Variants in GALNT18 observed in about 807,000 individuals in gnomAD.
GALNT18 encodes the protein polypeptide N-acetylgalactosaminyltransferase 18.
GALNT18 carries 44 observed loss-of-function variants against 69.5 expected under a neutral mutation model. The observed-to-expected ratio is 0.63, with a 90% CI of 0.50 to 0.81. GALNT18 has a LOEUF of 0.81. Ranked by LOEUF, GALNT18 falls within the 40% of genes least tolerant of loss-of-function variation. The pLI, the probability that GALNT18 is intolerant of heterozygous loss-of-function variation, is 0.00. For synonymous variants in GALNT18, 364 were observed against 318.2 expected (o/e 1.14, Z -1.53); for missense variants, 715 against 810.0 (o/e 0.88, Z 1.42).
In GALNT18 at chr11:11,564,424, G is replaced by A. The variant is rs1486779971; in HGVS notation, c.235+56935C>T. On this transcript the variant is annotated intron_variant, in intron 1 of 10. Transcript: ENST00000227756. This position sits in a 1 kb window ranked among gnomAD's most constrained non-coding sequence, Gnocchi z 4.3. ...TCACTCAGAAGAGCAGAACTAGAAT[G>A]CACATAAAATAGCTCCATCACATGA... is the stretch of plus-strand genomic sequence containing the variant. Among the ~76,000 whole-genome samples the A allele has an allele frequency of 1.3e-5, 2 of 152,162 alleles. No homozygotes were observed. Among genetic ancestry groups the A allele is most frequent in the African/African-American group, 4.8e-5 (2 of 41,442 alleles).
intron 1 of GALNT18, among the ~76,000 whole-genome samples, chr11:11,559,652 A>ATGGGC (rs1345544303): frequency 6.9e-6 from 1 of 145,746 alleles, no homozygotes; most frequent in Non-Finnish European, 1.5e-5. Context: ...ATGCGATGGG[A>ATGGGC]TGGGATGAGA....
At chr11:11,276,368 A>T (rs1848947206) in intron 10 of GALNT18, among the ~76,000 whole-genome samples, 1 of 152,180 alleles carries the variant, frequency 6.6e-6, no homozygotes, top group South Asian at 2.1e-4. Context: ...TGATTTTTGC[A>T]CATTGATTTT....
intron 3 of GALNT18, among the ~76,000 whole-genome samples, chr11:11,395,255 A>G (rs964145210): frequency 7.9e-5 from 12 of 152,216 alleles, no homozygotes; most frequent in Non-Finnish European, 1.5e-4. Context: ...AGAGCCACAG[A>G]AGACAGCCTG....
In GALNT18 at chr11:11,538,930, ATCCCTGGG is replaced by A. The variant is rs1168569567; in HGVS notation, c.235+82421_235+82428del. ...CTTTGTCAACAGAGGTGCCCCCCAG[ATCCCTGGG>A]TGCCGTGGGCCTCCCTTTTCACTCA... is the stretch of plus-strand genomic sequence containing the variant. On this transcript the variant is annotated intron_variant, in intron 1 of 10. Transcript: ENST00000227756. This position sits in a 1 kb window ranked among gnomAD's most constrained non-coding sequence, Gnocchi z 5.2. Among the ~76,000 whole-genome samples the A allele has an allele frequency of 6.6e-6, 1 of 152,234 alleles. No individual in the cohort carries two copies. Among genetic ancestry groups the A allele is most frequent in the Non-Finnish European group, 1.5e-5 (1 of 68,016 alleles).
chr11:11,329,273 T>C (rs1315415623), intron 8 of GALNT18, among the ~76,000 whole-genome samples: 1 of 152,092 alleles, frequency 6.6e-6, no homozygotes, highest in Non-Finnish European at 1.5e-5. Context: ...CTCAAAGCCA[T>C]TCAGGGAAAC....
At position 11,430,444 on chromosome 11, in the gene GALNT18, C is replaced by T. The variant is rs1006488206; in HGVS notation, c.595+2177G>A. On this transcript the variant is annotated intron_variant, in intron 3 of 10. Coordinates refer to ENST00000227756, the MANE Select transcript of GALNT18 (RefSeq NM_198516.3). This position sits in a 1 kb window ranked among gnomAD's most constrained non-coding sequence, Gnocchi z 4.9. ...CTGGTTTGGGTGTGCATATACAGCT[C>T]GATGCAGTTGTGATGACAAGTACAG... 1.3e-5 allele frequency among the ~76,000 whole-genome samples: 2 copies of T among 152,196 alleles called. No homozygotes were observed. The highest frequency in any genetic ancestry group is 2.4e-5 in the African/African-American group (1 of 41,440).
intron 9 of GALNT18, among the ~76,000 whole-genome samples, chr11:11,298,803 A>T (rs962099234): frequency 4.6e-5 from 7 of 152,220 alleles, no homozygotes; most frequent in African/African-American, 1.7e-4. Flanking sequence ...GTTATGATGA[A>T]TTTTAAGAAG....
chr11:11,481,840 T>C (rs961626696), intron 1 of GALNT18, among the ~76,000 whole-genome samples: 11 of 152,330 alleles, frequency 7.2e-5, no homozygotes, highest in Admixed American at 3.3e-4. Flanking sequence ...AGACCTTGTT[T>C]GAATTATCAC....
intron 1 of GALNT18, among the ~76,000 whole-genome samples, chr11:11,474,940 G>A (rs925093942): frequency 1.3e-5 from 2 of 152,178 alleles, no homozygotes; most frequent in African/African-American, 4.8e-5. Flanking sequence ...CCCCAGAGTG[G>A]GAATGTCAAT....
Position 11,505,462 on chromosome 11 carries a change from A to G in GALNT18, c.236-56526T>C, listed in dbSNP as rs576071865. ...AGTAATCAATCACAGCACTCTCTCC[A>G]GTGTCACCCAGAAACAACCTGCTCA... is the stretch of plus-strand genomic sequence containing the variant. On this transcript the variant is annotated intron_variant, in intron 1 of 10. Transcript: ENST00000227756. This position sits in a 1 kb window ranked among gnomAD's most constrained non-coding sequence, Gnocchi z 4.6. Among the ~76,000 whole-genome samples the G allele has an allele frequency of 6.6e-6, 1 of 152,248 alleles. No homozygotes were observed. Among genetic ancestry groups the G allele is most frequent in the South Asian group, 2.1e-4 (1 of 4,816 alleles).
intron 3 of GALNT18, among the ~76,000 whole-genome samples, chr11:11,384,151 G>C (rs1434388684): frequency 6.6e-6 from 1 of 152,064 alleles, no homozygotes; most frequent in African/African-American, 2.4e-5. Context: ...AATGGACTGA[G>C]TGTTTATTTA....
intron 7 of GALNT18, among the ~76,000 whole-genome samples, chr11:11,333,464 C>A (rs559100205): frequency 1.3e-5 from 2 of 152,252 alleles, no homozygotes; most frequent in East Asian, 3.9e-4. Context: ...GGTTCAGTAA[C>A]CTCCTTGGTA....
intron 1 of GALNT18, among the ~76,000 whole-genome samples, chr11:11,499,717 C>T (rs1431239452): frequency 6.6e-6 from 1 of 152,230 alleles, no homozygotes; most frequent in African/African-American, 2.4e-5. Flanking sequence ...TTACCCTGTG[C>T]TCTACATGGT....
intron 1 of GALNT18, among the ~76,000 whole-genome samples, chr11:11,513,390 T>C (rs779227969): frequency 5.9e-5 from 9 of 152,254 alleles, no homozygotes; most frequent in Non-Finnish European, 1.3e-4. Context: ...CAACTCCTGA[T>C]TGAATCATTT....
At chr11:11,448,205 G>T (rs9988868) in intron 2 of GALNT18, among the ~76,000 whole-genome samples, 56,566 of 151,806 alleles carry the variant, frequency 0.37, 11,336 homozygotes, top group Middle Eastern at 0.51. Context: ...AAACACTGTG[G>T]GGGGGAGCTC....
At chr11:11,519,206 C>A (rs997085650) in intron 1 of GALNT18, among the ~76,000 whole-genome samples, 3 of 151,768 alleles carry the variant, frequency 2.0e-5, no homozygotes, top group African/African-American at 7.3e-5. Context: ...CTGTCAGGGC[C>A]CCAGCATGAA....
At chr11:11,508,224 C>G (rs777680934) in intron 1 of GALNT18, among the ~76,000 whole-genome samples, 8 of 152,116 alleles carry the variant, frequency 5.3e-5, no homozygotes, top group Non-Finnish European at 1.2e-4. Context: ...TGGAACATTC[C>G]CTCTACACAC....
chr11:11,295,646 G>T (rs1257254270), intron 9 of GALNT18, among the ~76,000 whole-genome samples: 3 of 151,924 alleles, frequency 2.0e-5, no homozygotes, highest in African/African-American at 7.3e-5. Context: ...GAGGGAGGTG[G>T]GTGGAGAGTG....
At position 11,582,196 on chromosome 11, in the gene GALNT18, C is replaced by T. The variant is rs1859103744; in HGVS notation, c.235+39163G>A. On this transcript the variant is annotated intron_variant, in intron 1 of 10. Transcript: ENST00000227756. The surrounding 1 kb of genome is among the most constrained non-coding windows in gnomAD (Gnocchi z 5.0). ...CGAAAGAGGAAAGAGCAGGCAAAGGCTCTGAAGCAGGAACAAAGCTGATGT... is the reference window on the plus strand; with the variant it reads ...CGAAAGAGGAAAGAGCAGGCAAAGGTTCTGAAGCAGGAACAAAGCTGATGT... Among the ~76,000 whole-genome samples, 1 of 152,134 alleles carries T rather than the reference C, an allele frequency of 6.6e-6. No homozygotes were observed. The highest frequency in any genetic ancestry group is 1.5e-5 in the Non-Finnish European group (1 of 68,036).
Sources: allele counts gnomAD v4.1 joint callset (sites outside exome capture counted in the v4.1 genomes callset), GRCh38; gene constraint gnomAD v4.1.1; non-coding constraint Gnocchi (gnomAD v3.1); transcripts MANE v1.5; gene names NCBI Gene and HGNC (gene_info 2026-07-23, HGNC 2026-07-21).